The following LAMC3 variants were observed in gnomAD, a reference collection of about 807,000 sequenced individuals.
The protein encoded by LAMC3 is laminin subunit gamma-3.
LAMC3 carries 128 observed loss-of-function variants against 173.8 expected under a neutral mutation model. That is an observed-to-expected ratio of 0.74 (90% CI 0.64 to 0.85). LAMC3 has a LOEUF of 0.85. Among genes scored for constraint, LAMC3 ranks in the 40% least tolerant of loss-of-function variants. The probability of loss-of-function intolerance (pLI) is 0.00; values close to 1 mark genes in which losing one functional copy is unlikely to be tolerated. For missense variants in LAMC3, 2,022 were observed against 2,156.0 expected, an observed-to-expected ratio of 0.94 and a Z score of 1.23; for synonymous variants, 897 against 909.1, an observed-to-expected ratio of 0.99 and a Z score of 0.24.
rs1428203004 is a variant in LAMC3 at position 131,082,150 on chromosome 9, C to T, written c.4019C>T (p.Ala1340Val). The T allele has an allele frequency of 6.2e-7, 1 of 1,612,782 alleles. No homozygotes were observed. Among genetic ancestry groups the T allele is most frequent in the Admixed American group, 1.7e-5 (1 of 59,974 alleles). ...GTCATGGGAGCCAGGACTCTGCTGG[C>T]TGATCTGGAAGGTACGTGAGTCCAG... ...VTVMGARTLLADLEGMKLQFP... is the reference protein window; with the variant it reads ...VTVMGARTLLVDLEGMKLQFP... The change falls in exon 24 of 28, where the codon GCT becomes GTT. Residue 1340 changes from alanine to valine, a missense_variant. Coordinates refer to ENST00000361069, the MANE Select transcript of LAMC3 (RefSeq NM_006059.4).
In LAMC3 at chr9:131,068,138, G is replaced by A. The variant is rs1474105750; in HGVS notation, c.2654G>A (p.Gly885Asp). 1.2e-6 allele frequency: 2 copies of A among 1,613,192 alleles called. No individual in the cohort carries two copies. Among genetic ancestry groups the A allele is most frequent in the Admixed American group, 1.7e-5 (1 of 60,030 alleles). The change falls in exon 15 of 28, where the codon GGC becomes GAC. Residue 885 changes from glycine to aspartate, a missense_variant. Coordinates refer to ENST00000361069, the MANE Select transcript of LAMC3 (RefSeq NM_006059.4). The stretch of plus-strand genomic sequence containing the variant: ...CAGATGCCCTGCGACCCAGTGACAG[G>A]CCAATGCTCCTGCCTGCCTCATGTG... ...SEQMPCDPVT[G>D]QCSCLPHVTA...
Position 131,029,943 on chromosome 9 carries a change from CTTTTT to C in LAMC3, c.679-2089_679-2085del, listed in dbSNP as rs34334770. On this transcript the variant is annotated intron_variant, in intron 2 of 27. Transcript: ENST00000361069. The surrounding 1 kb of genome is among the most constrained non-coding windows in gnomAD (Gnocchi z 4.6). ...TTCAGTGGGGATTGCCCTAAAATGA[CTTTTT>C]TTTTTTTTTTTTGAGACAGTTTCGC... Among the ~76,000 whole-genome samples the C allele has an allele frequency of 1.4e-5, 2 of 139,138 alleles. No individual in the cohort carries two copies. Among genetic ancestry groups the C allele is most frequent in the East Asian group, 4.2e-4 (2 of 4,756 alleles). The allele number at this position is 139,138 out of a possible 152,430, so 91.3% of individuals were successfully genotyped here. A position where few individuals can be genotyped will look rare whatever the true frequency, so the allele number is the denominator to read the frequency against.
intron 27 of LAMC3, 125 bp downstream of exon 27, chr9:131,087,942 C>G: frequency 1.3e-6 from 1 of 782,874 alleles, no homozygotes; most frequent in Non-Finnish European, 2.2e-6. Flanking sequence ...TCCCGCATCC[C>G]CATCTTTGTG....
At position 131,036,481 on chromosome 9, in the gene LAMC3, C is replaced by A. The variant is rs552339730; in HGVS notation, c.976+149C>A. 580 of 886,140 alleles carry A rather than the reference C, an allele frequency of 6.5e-4. 4 individuals are homozygous for A. In the African/African-American group the frequency reaches 8.5e-3, roughly 13 times the overall value. 54.9% of individuals were successfully genotyped at this position (886,140 alleles called of 1,614,324 possible). ...CTCTGTGCTGCTGCAGAGATAAGGA[C>A]GAGCAGAAGGGGAGCCTGGGGAGGG... On this transcript the variant is annotated intron_variant, in intron 4 of 27. Coordinates refer to ENST00000361069, the MANE Select transcript of LAMC3 (RefSeq NM_006059.4).
At chr9:131,056,611 A>G (rs1259182317) in intron 11 of LAMC3, among the ~76,000 whole-genome samples, 1 of 152,108 alleles carries the variant, frequency 6.6e-6, no homozygotes, top group African/African-American at 2.4e-5. Flanking sequence ...CCTGGGCAAC[A>G]TGGAGAAACC....
intron 8 of LAMC3, among the ~76,000 whole-genome samples, chr9:131,046,061 C>G (rs1834148909): frequency 6.6e-6 from 1 of 152,166 alleles, no homozygotes; most frequent in South Asian, 2.1e-4. Flanking sequence ...ACCTAACATG[C>G]AAGGATTCTC....
At chr9:131,073,948 T>C (rs959767123) in intron 20 of LAMC3, among the ~76,000 whole-genome samples, 1 of 141,102 alleles carries the variant, frequency 7.1e-6, no homozygotes, top group South Asian at 2.3e-4. Flanking sequence ...TCTTTTCTTT[T>C]TTTTTTTTTT....
At chr9:131,043,383 G>C (rs986633736) in intron 7 of LAMC3, among the ~76,000 whole-genome samples, 1 of 152,160 alleles carries the variant, frequency 6.6e-6, no homozygotes, top group African/African-American at 2.4e-5. Flanking sequence ...AGATTCTGGG[G>C]CTGGGGCTGG....
rs373825603 is a variant in LAMC3, at chr9:131,041,730, T to C, written c.1377T>C (p.Cys459=). Residue 459 remains cysteine (C), a synonymous_variant, in exon 7 of 28, where the codon TGT becomes TGC. Coordinates refer to ENST00000361069, the MANE Select transcript of LAMC3 (RefSeq NM_006059.4). ...AAGAGAATGTGGAAGGCAACCTATG[T>C]GACAGGTTTGTGAGCTAATCCAGCA... ...PCKENVEGNL[C]DRCRPGTFNL... 1 of 1,613,236 alleles carries C rather than the reference T, an allele frequency of 6.2e-7. No individual in the cohort carries two copies. Among genetic ancestry groups the C allele is most frequent in the Non-Finnish European group, 8.5e-7 (1 of 1,179,844 alleles).
At chr9:131,039,498 A>G (rs575383328) in intron 6 of LAMC3, among the ~76,000 whole-genome samples, 1 of 150,822 alleles carries the variant, frequency 6.6e-6, no homozygotes, top group African/African-American at 2.4e-5. Flanking sequence ...TTCCTGTAGG[A>G]GGTGCTGCAT....
chr9:131,040,850 A>G (rs1453758461), intron 6 of LAMC3, among the ~76,000 whole-genome samples: 1 of 152,192 alleles, frequency 6.6e-6, no homozygotes, highest in Non-Finnish European at 1.5e-5. Flanking sequence ...AGCCTCTCGT[A>G]CATCTCCCAC....
intron 7 of LAMC3, among the ~76,000 whole-genome samples, chr9:131,042,981 T>G (rs1460127988): frequency 6.6e-6 from 1 of 151,354 alleles, no homozygotes; most frequent in Non-Finnish European, 1.5e-5. Flanking sequence ...CAGACATCAC[T>G]AAGGCAACAC....
At position 131,067,155 on chromosome 9, in the gene LAMC3, A is replaced by G. The variant is rs753981050; in HGVS notation, c.2543A>G (p.Glu848Gly). The change falls in exon 14 of 28, where the codon GAA (glutamate) becomes GGA (glycine). Residue 848 changes from glutamate (E) to glycine (G), a missense_variant. By Grantham distance (98) the Glu-to-Gly change is moderately conservative. Transcript: ENST00000361069. ...TTGDHCEHCQEGFYGSALAPR... is the reference protein window; with the variant it reads ...TTGDHCEHCQGGFYGSALAPR... ...GGTGACCACTGTGAGCACTGTCAGG[A>G]AGGCTTCTACGGGAGCGCCCTGGCC... 6.2e-7 allele frequency: 1 copy of G among 1,614,086 alleles called. No individual in the cohort carries two copies. Among genetic ancestry groups the G allele is most frequent in the South Asian group, 1.1e-5 (1 of 91,080 alleles).
chr9:131,086,061 CT>C (rs948416428), intron 25 of LAMC3, among the ~76,000 whole-genome samples: 111 of 152,072 alleles, frequency 7.3e-4, no homozygotes, highest in African/African-American at 2.5e-3. Flanking sequence ...TTTATTTTAC[CT>C]GCCTTTTTGT....
At chr9:131,044,539 G>A (rs73550452) in intron 7 of LAMC3, among the ~76,000 whole-genome samples, 2,376 of 152,226 alleles carry the variant, frequency 0.016, 63 homozygotes, top group African/African-American at 0.054. Flanking sequence ...TTGAGCCACC[G>A]CGTCCGGCCT....
At chr9:131,055,615 C>G (rs1470204815) in intron 11 of LAMC3, among the ~76,000 whole-genome samples, 1 of 150,954 alleles carries the variant, frequency 6.6e-6, no homozygotes, top group Non-Finnish European at 1.5e-5. Context: ...TTAGTAGAGA[C>G]GGGGTTTCAC....
At chr9:131,072,932 C>T (rs1330004111) in intron 19 of LAMC3, 97 bp downstream of exon 19, 2 of 1,142,568 alleles carry the variant, frequency 1.8e-6, no homozygotes, top group African/African-American at 3.1e-5. Context: ...GTATGACTCC[C>T]CACTTTGGGA....
At chr9:131,075,274 A>G (rs935954942) in intron 20 of LAMC3, among the ~76,000 whole-genome samples, 2 of 151,134 alleles carry the variant, frequency 1.3e-5, no homozygotes, top group Non-Finnish European at 2.9e-5. Flanking sequence ...TCTCTTAAAA[A>G]GAAAAAAATA....
chr9:131,060,021 C>T (rs555331150), intron 12 of LAMC3, among the ~76,000 whole-genome samples: 2 of 152,314 alleles, frequency 1.3e-5, no homozygotes, highest in Non-Finnish European at 2.9e-5. Context: ...TCCCTGGCAG[C>T]GGGTCTCCCT....
Sources: gnomAD v4.1 joint callset for allele counts (sites outside exome capture counted in the v4.1 genomes callset) on GRCh38, gnomAD v4.1.1 for gene constraint, Gnocchi (gnomAD v3.1) non-coding constraint, MANE v1.5 for transcripts, NCBI Gene and HGNC (gene_info 2026-07-23, HGNC 2026-07-21) for gene names.